Variants in CD82 observed in about 807,000 individuals in gnomAD.
CD82 encodes CD82 antigen.
Under a neutral mutation model 37.4 loss-of-function variants are expected in CD82, and 36 were observed. That is an observed-to-expected ratio of 0.96 (90% CI 0.74 to 1.27). CD82 has a LOEUF of 1.27. CD82 is among the 50% of genes most tolerant of loss of function. CD82 has a pLI of 0.00. For missense variants in CD82, 340 were observed against 347.0 expected, an observed-to-expected ratio of 0.98 and a Z score of 0.16; for synonymous variants, 158 against 137.4, an observed-to-expected ratio of 1.15 and a Z score of -1.05.
At chr11:44,610,484 G>T (rs975956892) in intron 6 of CD82, among the ~76,000 whole-genome samples, 2 of 152,240 alleles carry the variant, frequency 1.3e-5, no homozygotes, top group East Asian at 1.9e-4. Context: ...GGACGCAAAG[G>T]TCTCTCCTAA....
upstream of CD82, chr11:44,565,555 C>CG (rs1318626813): frequency 1.1e-5 from 1 of 89,836 alleles, no homozygotes; most frequent in African/African-American, 4.8e-5. Context: ...GGCTCGGGGG[C>CG]GGGGCCGGCG....
At position 44,619,706 on chromosome 11, in the gene CD82, G is replaced by A. The variant is rs996224340; in HGVS notation, c.*580G>A. On this transcript the variant is annotated 3_prime_UTR_variant, in exon 10 of 10. Coordinates refer to ENST00000227155, the MANE Select transcript of CD82 (RefSeq NM_002231.4). Reference sequence around the variant, plus strand: ...TGTGAACCCGGGAGCGGAGGTTGCAGTGAGCTGAGATCGTGCTACTGCACT... The same window carrying A: ...TGTGAACCCGGGAGCGGAGGTTGCAATGAGCTGAGATCGTGCTACTGCACT... 1.4e-5 allele frequency: 2 copies of A among 143,104 alleles called. No homozygotes were observed. The highest frequency in any genetic ancestry group is 5.2e-5 in the African/African-American group (2 of 38,434). 8.9% of individuals were successfully genotyped at this position (143,104 alleles called of 1,614,324 possible).
chr11:44,615,180 G>A, intron 6 of CD82, 92 bp from the exon 7 acceptor site: 2 of 803,456 alleles, frequency 2.5e-6, no homozygotes, highest in South Asian at 1.5e-5. Flanking sequence ...GGTTGCTGAG[G>A]GGAACGGGGG....
At chr11:44,570,551 G>C (rs1053054449) in intron 1 of CD82, among the ~76,000 whole-genome samples, 1 of 152,224 alleles carries the variant, frequency 6.6e-6, no homozygotes, top group Admixed American at 6.5e-5. Flanking sequence ...CACATACCAG[G>C]TGACTCCTTG....
In CD82 at chr11:44,620,028, C is replaced by G. The variant is rs753710390; in HGVS notation, c.*902C>G. The G allele has an allele frequency of 2.6e-5, 4 of 152,096 alleles. No homozygotes were observed. The highest frequency in any genetic ancestry group is 9.7e-5 in the African/African-American group (4 of 41,322). 9.4% of individuals were successfully genotyped at this position (152,096 alleles called of 1,614,324 possible). On this transcript the variant is annotated 3_prime_UTR_variant, in exon 10 of 10. Coordinates refer to ENST00000227155, the MANE Select transcript of CD82 (RefSeq NM_002231.4). ...TAGCCTAGGCCATGCCCTAGGGACA[C>G]GGCCTAGGGGAGCTGGGCTGGAGGG...
chr11:44,600,316 C>G (rs1460487995), intron 4 of CD82, 86 bp downstream of exon 4: 1 of 1,265,160 alleles, frequency 7.9e-7, no homozygotes, highest in African/African-American at 1.5e-5. Flanking sequence ...ATAAGTGCTT[C>G]GGCTTCAATG....
intron 2 of CD82, among the ~76,000 whole-genome samples, chr11:44,593,964 G>A (rs1853182485): frequency 6.7e-6 from 1 of 149,144 alleles, no homozygotes; most frequent in Non-Finnish European, 1.5e-5. Context: ...TATACAGAAT[G>A]AGCCCAATTT....
At chr11:44,582,742 C>T (rs1852998869) in intron 1 of CD82, among the ~76,000 whole-genome samples, 1 of 152,158 alleles carries the variant, frequency 6.6e-6, no homozygotes, top group Admixed American at 6.5e-5. Context: ...TGCAACCTCT[C>T]TTTAGCTCCT....
chr11:44,618,526 G>T, intron 8 of CD82, 114 bp from the exon 9 acceptor site: 1 of 1,093,108 alleles, frequency 9.1e-7, no homozygotes, highest in Non-Finnish European at 1.4e-6. Context: ...TCAAGGAACA[G>T]GCAGAGCCCT....
At chr11:44,572,280 G>A (rs34064737) in intron 1 of CD82, among the ~76,000 whole-genome samples, 13,073 of 152,198 alleles carry the variant, frequency 0.086, 698 homozygotes, top group Middle Eastern at 0.14. Flanking sequence ...TAACGTACCC[G>A]TTACGAAATA....
intron 9 of CD82, 142 bp from the exon 10 acceptor site, chr11:44,618,907 C>T: frequency 2.3e-6 from 2 of 852,344 alleles, no homozygotes. Context: ...CTCTGGGCCT[C>T]CCTCTGCTGC....
At chr11:44,575,746 T>C (rs561952189) in intron 1 of CD82, among the ~76,000 whole-genome samples, 46 of 152,168 alleles carry the variant, frequency 3.0e-4, no homozygotes, top group African/African-American at 9.4e-4. Context: ...CACCTTCCCC[T>C]CCTACCCCCA....
chr11:44,618,999 C>T (rs1853613866), intron 9 of CD82, 50 bp from the exon 10 acceptor site: 7 of 1,519,344 alleles, frequency 4.6e-6, no homozygotes, highest in Non-Finnish European at 5.5e-6. Context: ...GCTGGGGCGT[C>T]TGAGGCCGGG....
intron 1 of CD82, among the ~76,000 whole-genome samples, chr11:44,578,560 A>G (rs75211204): frequency 0.025 from 3,846 of 152,200 alleles, 138 homozygotes; most frequent in African/African-American, 0.086. Flanking sequence ...TTGCTACTCA[A>G]ACCACACACC....
intron 6 of CD82, among the ~76,000 whole-genome samples, chr11:44,612,858 C>T (rs1315721714): frequency 1.3e-5 from 2 of 151,820 alleles, no homozygotes; most frequent in Non-Finnish European, 2.9e-5. Flanking sequence ...AGGATGGTCT[C>T]GATCTCCTGA....
intron 2 of CD82, among the ~76,000 whole-genome samples, chr11:44,592,307 G>T (rs1348052540): frequency 1.3e-5 from 2 of 152,242 alleles, no homozygotes; most frequent in Non-Finnish European, 2.9e-5. Flanking sequence ...GATGCCAATG[G>T]CCCCATTGCC....
At chr11:44,568,413 C>T (rs890301325) in intron 1 of CD82, among the ~76,000 whole-genome samples, 3 of 149,444 alleles carry the variant, frequency 2.0e-5, no homozygotes, top group Non-Finnish European at 4.4e-5. Flanking sequence ...GGGTGAGTGG[C>T]GGGGTTGCTG....
rs543129142 is a variant in CD82, at chr11:44,611,912, G to A, written c.337-3360G>A. On this transcript the variant is annotated intron_variant, in intron 6 of 9. Coordinates refer to ENST00000227155, the MANE Select transcript of CD82 (RefSeq NM_002231.4). ...TTCTCATTTCAGGGAGGCTGGGAGA[G>A]AAACAGGGAAGTCCAGGCTGCTGTG... 8.7e-4 allele frequency among the ~76,000 whole-genome samples: 132 copies of A among 152,342 alleles called. 1 individual carries two copies. Among genetic ancestry groups the A allele is most frequent in the Non-Finnish European group, 1.5e-3 (105 of 68,022 alleles).
rs368577002 is a variant in CD82 at position 44,615,381 on chromosome 11, G to A, written c.438+8G>A. ...GACTACGTGCAGGCTCAGGTGAGGT[G>A]GGGCGGGGCTGCAGGAGGCTCTCTG... On this transcript the variant is annotated splice_region_variant and intron_variant, in intron 7 of 9. Transcript: ENST00000227155. 5.9e-5 allele frequency: 94 copies of A among 1,583,320 alleles called. No homozygotes were observed. In the Middle Eastern group the frequency reaches 8.4e-4, roughly 14 times the overall value.
Sources: gnomAD v4.1 joint callset for allele counts (sites outside exome capture counted in the v4.1 genomes callset) on GRCh38, gnomAD v4.1.1 for gene constraint, MANE v1.5 for transcripts, NCBI Gene and HGNC (gene_info 2026-07-23, HGNC 2026-07-21) for gene names.